The following MYO3B variants were observed in gnomAD, a reference collection of about 807,000 sequenced individuals.
MYO3B encodes the protein myosin IIIB, also known as myosin-IIIb.
Under a neutral mutation model 174.6 loss-of-function variants are expected in MYO3B, and 156 were observed. The observed-to-expected ratio is 0.89, with a 90% CI of 0.78 to 1.02. The LOEUF (loss-of-function observed/expected upper bound fraction) is 1.02, where lower values mean the gene tolerates loss of function less well. MYO3B is among the 50% of genes least tolerant of loss of function. The probability of loss-of-function intolerance (pLI) is 0.00; values close to 1 mark genes in which losing one functional copy is unlikely to be tolerated. For synonymous variants in MYO3B, 563 were observed against 569.1 expected, an observed-to-expected ratio of 0.99 and a Z score of 0.15; for missense variants, 1,632 against 1,639.4, an observed-to-expected ratio of 1.00 and a Z score of 0.08.
chr2:170,522,895 A>G (rs756500465), intron 30 of MYO3B, among the ~76,000 whole-genome samples: 3 of 152,208 alleles, frequency 2.0e-5, no homozygotes, highest in Non-Finnish European at 2.9e-5. Flanking sequence ...TCACAACAGG[A>G]TAATGAATTT....
chr2:170,421,939 A>G (rs1225401676), intron 22 of MYO3B, among the ~76,000 whole-genome samples: 1 of 152,168 alleles, frequency 6.6e-6, no homozygotes, highest in East Asian at 1.9e-4. Context: ...CATTTTTAAA[A>G]TTCTCCATGC....
chr2:170,488,733 T>C, intron 25 of MYO3B, among the ~76,000 whole-genome samples: 1 of 152,108 alleles, frequency 6.6e-6, no homozygotes, highest in East Asian at 1.9e-4. Context: ...AATTTACATA[T>C]CTATTTATCA....
intron 7 of MYO3B, among the ~76,000 whole-genome samples, chr2:170,300,073 C>T (rs563825163): frequency 6.6e-5 from 10 of 152,292 alleles, no homozygotes; most frequent in East Asian, 1.9e-4. Context: ...TCCTCACACC[C>T]GCTCTGAGAT....
chr2:170,499,778 A>G lies in MYO3B; in HGVS notation c.3259A>G (p.Arg1087Gly), dbSNP rs754350410. ...ARRYKRVREK[R>G]EKGAIAIQSA... ...GAGATACAAAAGGGTCAGAGAGAAG[A>G]GAGAGAAGGGAGCCATTGCCATCCA... The change falls in exon 27 of 35, where the codon AGA (arginine) becomes GGA (glycine). Residue 1087 changes from arginine (R) to glycine (G), a missense_variant. Arg to Gly is a moderately radical substitution (Grantham distance 125). Coordinates refer to ENST00000408978, the MANE Select transcript of MYO3B (RefSeq NM_138995.5). 4.3e-6 allele frequency: 7 copies of G among 1,613,966 alleles called. No homozygotes were observed. Among genetic ancestry groups the G allele is most frequent in the South Asian group, 1.1e-5 (1 of 91,082 alleles).
At chr2:170,464,183 T>C (rs1173333609) in intron 24 of MYO3B, among the ~76,000 whole-genome samples, 1 of 151,562 alleles carries the variant, frequency 6.6e-6, no homozygotes, top group Non-Finnish European at 1.5e-5. Flanking sequence ...TGAAACCCCT[T>C]CTCTAGTAAA....
chr2:170,407,113 A>C (rs2094514696), intron 21 of MYO3B, among the ~76,000 whole-genome samples: 1 of 152,120 alleles, frequency 6.6e-6, no homozygotes. Flanking sequence ...CATGGTATCT[A>C]ATATATTTTA....
intron 32 of MYO3B, among the ~76,000 whole-genome samples, chr2:170,630,859 A>T (rs1696900915): frequency 6.6e-6 from 1 of 152,330 alleles, no homozygotes; most frequent in East Asian, 1.9e-4. Context: ...GAGTAGCATC[A>T]ATATCAACAA....
At chr2:170,246,839 T>G (rs2093196076) in intron 7 of MYO3B, among the ~76,000 whole-genome samples, 1 of 151,942 alleles carries the variant, frequency 6.6e-6, no homozygotes, top group African/African-American at 2.4e-5. Flanking sequence ...GCCTAGGGCA[T>G]GGTTAGGGAT....
chr2:170,602,113 GAGA>G, intron 32 of MYO3B: 1 of 1,218,608 alleles, frequency 8.2e-7, no homozygotes, highest in East Asian at 2.3e-5. Flanking sequence ...AGAAAACTCT[GAGA>G]AGTTGACTGA....
intron 30 of MYO3B, among the ~76,000 whole-genome samples, chr2:170,520,536 G>GGA (rs1688617211): frequency 6.6e-6 from 1 of 151,000 alleles, no homozygotes; most frequent in Non-Finnish European, 1.5e-5. Context: ...CTCATTTGGG[G>GGA]GAGATATATA....
rs2094664194 is a variant in MYO3B, at chr2:170,426,603, C to T, written c.2651-17364C>T. ...AAGGGTAGAAACATTCTAAAATGTT[C>T]TTCTAGTTCATTGTAACTTTTTCTT... On this transcript the variant is annotated intron_variant, in intron 22 of 34. Transcript: ENST00000408978. 2.6e-5 allele frequency among the ~76,000 whole-genome samples: 4 copies of T among 151,912 alleles called. No homozygotes were observed. The South Asian group carries it at 8.3e-4, about 32-fold the overall frequency.
At chr2:170,419,534 G>C (rs2094602061) in intron 22 of MYO3B, among the ~76,000 whole-genome samples, 1 of 152,168 alleles carries the variant, frequency 6.6e-6, no homozygotes, top group South Asian at 2.1e-4. Flanking sequence ...GGTTATTAGG[G>C]CTCCAACATG....
At chr2:170,450,349 T>G (rs1039144951) in intron 23 of MYO3B, among the ~76,000 whole-genome samples, 2 of 152,234 alleles carry the variant, frequency 1.3e-5, no homozygotes, top group African/African-American at 4.8e-5. Flanking sequence ...AATTTAATTT[T>G]GGAAAGTTTG....
chr2:170,258,429 T>C (rs1289410350), intron 7 of MYO3B, among the ~76,000 whole-genome samples: 1 of 152,136 alleles, frequency 6.6e-6, no homozygotes, highest in African/African-American at 2.4e-5. Flanking sequence ...ATAAATGTGA[T>C]TCACCACATA....
chr2:170,251,088 A>G (rs1574656560), intron 7 of MYO3B, among the ~76,000 whole-genome samples: 1 of 151,636 alleles, frequency 6.6e-6, no homozygotes, highest in South Asian at 2.1e-4. Context: ...TTGCCAGGGA[A>G]CCGCCCTCTT....
At chr2:170,209,348 A>C (rs1351773310) in intron 3 of MYO3B, among the ~76,000 whole-genome samples, 3 of 152,202 alleles carry the variant, frequency 2.0e-5, no homozygotes, top group Admixed American at 6.5e-5. Flanking sequence ...TAAATAGTTC[A>C]AAATAAGTTT....
chr2:170,244,246 T>C (rs1188487188), intron 7 of MYO3B, among the ~76,000 whole-genome samples: 1 of 152,164 alleles, frequency 6.6e-6, no homozygotes, highest in Non-Finnish European at 1.5e-5. Flanking sequence ...AGAAATTTTT[T>C]TGTCTGCAGA....
chr2:170,599,822 T>G (rs1284153809), intron 32 of MYO3B, among the ~76,000 whole-genome samples: 1 of 152,212 alleles, frequency 6.6e-6, no homozygotes, highest in Admixed American at 6.5e-5. Flanking sequence ...AGTCTCAGGC[T>G]TAGAAAAATC....
intron 32 of MYO3B, among the ~76,000 whole-genome samples, chr2:170,608,070 A>G (rs1288405614): frequency 1.3e-5 from 2 of 152,176 alleles, no homozygotes; most frequent in Non-Finnish European, 2.9e-5. Context: ...AAATTTGGGG[A>G]CAGGTACACT....
Sources: gnomAD v4.1 joint callset for allele counts (sites outside exome capture counted in the v4.1 genomes callset) on GRCh38, gnomAD v4.1.1 for gene constraint, MANE v1.5 for transcripts, NCBI Gene and HGNC (gene_info 2026-07-23, HGNC 2026-07-21) for gene names.